Variants in NRG3 observed in about 807,000 individuals in gnomAD.
NRG3 encodes neuregulin 3.
A neutral mutation model predicts 66.9 loss-of-function variants in NRG3; 31 were observed. That is an observed-to-expected ratio of 0.46 (90% CI 0.35 to 0.63). The LOEUF (loss-of-function observed/expected upper bound fraction) is 0.63, where lower values mean the gene tolerates loss of function less well. NRG3 is among the 20% of genes least tolerant of loss of function. NRG3 has a pLI of 0.00. For synonymous variants in NRG3, 393 were observed against 359.4 expected (o/e 1.09, Z -1.06); for missense variants, 910 against 878.9 (o/e 1.04, Z -0.45).
intron 4 of NRG3, among the ~76,000 whole-genome samples, chr10:82,868,810 A>AG (rs1310613249): frequency 2.0e-5 from 3 of 152,136 alleles, no homozygotes; most frequent in Non-Finnish European, 4.4e-5. Flanking sequence ...CTCCTGCCTC[A>AG]GCCTCCCAAG....
At chr10:82,667,655 C>G (rs1214461072) in intron 2 of NRG3, among the ~76,000 whole-genome samples, 2 of 152,098 alleles carry the variant, frequency 1.3e-5, no homozygotes, top group Admixed American at 6.5e-5. Context: ...GGGGCACCCC[C>G]AGCCAAGTGA....
At chr10:82,634,384 TAC>T (rs1165162329) in intron 2 of NRG3, among the ~76,000 whole-genome samples, 1 of 152,184 alleles carries the variant, frequency 6.6e-6, no homozygotes, top group Non-Finnish European at 1.5e-5. Flanking sequence ...ATGCTTGTAT[TAC>T]ACACACAGAA....
chr10:82,518,417 G>A (rs747298077), intron 2 of NRG3, among the ~76,000 whole-genome samples: 17 of 152,120 alleles, frequency 1.1e-4, no homozygotes, highest in Non-Finnish European at 1.9e-4. Flanking sequence ...CCATGCTACC[G>A]TGGAGCTTTC....
At chr10:82,806,698 G>A (rs1315947906) in intron 3 of NRG3, among the ~76,000 whole-genome samples, 5 of 152,182 alleles carry the variant, frequency 3.3e-5, no homozygotes, top group Non-Finnish European at 7.3e-5. Context: ...GGGAAAAAGA[G>A]AATAATTTAG....
At chr10:82,145,583 A>C (rs2070184685) in intron 1 of NRG3, among the ~76,000 whole-genome samples, 1 of 152,186 alleles carries the variant, frequency 6.6e-6, no homozygotes, top group Non-Finnish European at 1.5e-5. Flanking sequence ...CTCTTATCAC[A>C]TGGGAACTTT....
intron 1 of NRG3, among the ~76,000 whole-genome samples, chr10:82,058,523 G>A (rs1589950082): frequency 6.6e-6 from 1 of 150,754 alleles, no homozygotes; most frequent in African/African-American, 2.4e-5. Context: ...TTATGTATAG[G>A]TATGCCTTCA....
intron 1 of NRG3, among the ~76,000 whole-genome samples, chr10:81,894,156 C>A (rs911031033): frequency 5.3e-5 from 8 of 152,062 alleles, no homozygotes; most frequent in Admixed American, 5.2e-4. Context: ...ACCTGATCAA[C>A]ATGGCCAAAT....
intron 1 of NRG3, among the ~76,000 whole-genome samples, chr10:82,107,996 G>A (rs889674754): frequency 6.6e-6 from 1 of 152,180 alleles, no homozygotes; most frequent in African/African-American, 2.4e-5. Context: ...GCAGCCGTCT[G>A]TGAGGTCTAC....
At chr10:82,346,982 G>T (rs2083071385) in intron 1 of NRG3, among the ~76,000 whole-genome samples, 1 of 151,952 alleles carries the variant, frequency 6.6e-6, no homozygotes, top group Non-Finnish European at 1.5e-5. Context: ...CTTGCTAGCT[G>T]TCTATCAATT....
At chr10:82,246,109 G>A (rs2077232800) in intron 1 of NRG3, among the ~76,000 whole-genome samples, 1 of 150,584 alleles carries the variant, frequency 6.6e-6, no homozygotes, top group African/African-American at 2.4e-5. Flanking sequence ...TTTGAGGTTA[G>A]TCTCTCTGTG....
intron 2 of NRG3, among the ~76,000 whole-genome samples, chr10:82,360,733 C>T (rs2084078788): frequency 6.6e-6 from 1 of 152,156 alleles, no homozygotes; most frequent in African/African-American, 2.4e-5. Context: ...ATTCCAAGAT[C>T]AAGGTGTCAG....
intron 1 of NRG3, among the ~76,000 whole-genome samples, chr10:82,325,844 T>C (rs1200728862): frequency 6.6e-6 from 1 of 152,188 alleles, no homozygotes; most frequent in African/African-American, 2.4e-5. Flanking sequence ...ACATTGTATA[T>C]ACATATACAT....
At chr10:82,013,381 G>C (rs1191909134) in intron 1 of NRG3, among the ~76,000 whole-genome samples, 2 of 152,120 alleles carry the variant, frequency 1.3e-5, no homozygotes, top group Non-Finnish European at 2.9e-5. Flanking sequence ...TGAGATTTGG[G>C]TGAAGACACT....
intron 4 of NRG3, among the ~76,000 whole-genome samples, chr10:82,913,557 A>G (rs1021186029): frequency 5.9e-5 from 9 of 152,088 alleles, no homozygotes; most frequent in African/African-American, 1.9e-4. Flanking sequence ...ATTAAATTTC[A>G]CTGGCTACAG....
intron 3 of NRG3, among the ~76,000 whole-genome samples, chr10:82,825,006 C>A (rs568631090): frequency 3.9e-5 from 6 of 152,204 alleles, no homozygotes; most frequent in African/African-American, 1.4e-4. Flanking sequence ...GCCACCACAC[C>A]CAGTCAGTTG....
intron 2 of NRG3, among the ~76,000 whole-genome samples, chr10:82,589,384 T>G (rs1197733731): frequency 6.6e-6 from 1 of 152,076 alleles, no homozygotes; most frequent in Non-Finnish European, 1.5e-5. Flanking sequence ...TTGAGACATC[T>G]CCAGCTGCAT....
chr10:82,360,700 T>G (rs1384884601), intron 2 of NRG3, among the ~76,000 whole-genome samples: 2 of 152,208 alleles, frequency 1.3e-5, no homozygotes, highest in Non-Finnish European at 2.9e-5. Flanking sequence ...GAAATTTACT[T>G]TCTCACAGTC....
chr10:82,775,211 G>A (rs942498341), intron 3 of NRG3, among the ~76,000 whole-genome samples: 2 of 144,202 alleles, frequency 1.4e-5, no homozygotes, highest in East Asian at 1.9e-4. Flanking sequence ...TATATATTTG[G>A]GATCTTTTTT....
At chr10:82,228,879 G>A (rs2076304262) in intron 1 of NRG3, 2 of 152,418 alleles carry the variant, frequency 1.3e-5, no homozygotes, top group East Asian at 1.9e-4. Context: ...TGAACGTGAT[G>A]AAGCAACTGG....
Sources: allele counts gnomAD v4.1 joint callset (sites outside exome capture counted in the v4.1 genomes callset), GRCh38; gene constraint gnomAD v4.1.1; transcripts MANE v1.5; gene names NCBI Gene and HGNC (gene_info 2026-07-23, HGNC 2026-07-21).